The following GRM4 variants were observed in gnomAD, a reference collection of about 807,000 sequenced individuals.
The protein encoded by GRM4 is glutamate metabotropic receptor 4, also known as metabotropic glutamate receptor 4.
GRM4 carries 28 observed loss-of-function variants against 81.7 expected under a neutral mutation model. The ratio of observed to expected loss-of-function variants is 0.34; its 90% CI spans 0.25 to 0.47. The LOEUF is 0.47. Among genes scored for constraint, GRM4 ranks in the 20% least tolerant of loss-of-function variants. The pLI is 1.00. For missense variants in GRM4, 948 were observed against 1,290.0 expected (o/e 0.73, Z 4.06); for synonymous variants, 488 against 528.8 (o/e 0.92, Z 1.06).
intron 2 of GRM4, chr6:34,105,991 C>T (rs1377961160): frequency 6.6e-6 from 1 of 152,372 alleles, no homozygotes; most frequent in Non-Finnish European, 1.5e-5. Flanking sequence ...CAACAGGGCC[C>T]TTAGCCTCCT....
chr6:34,089,371 G>GCT lies in GRM4; in HGVS notation c.736+2510_736+2511dup, dbSNP rs3041194. Among the ~76,000 whole-genome samples the GCT allele has an allele frequency of 0.83, 125,724 of 150,688 alleles. 52,503 individuals are homozygous for GCT. Among genetic ancestry groups the GCT allele is most frequent in the South Asian group, 0.87 (4,147 of 4,776 alleles). On this transcript the variant is annotated intron_variant, in intron 3 of 10. Coordinates refer to ENST00000538487, the MANE Select transcript of GRM4 (RefSeq NM_000841.4). The surrounding 1 kb of genome is among the most constrained non-coding windows in gnomAD (Gnocchi z 4.3). ...TTTCAATTTGGCCAGCTGAAGTGCA[G>GCT]CTCTCTCTCTCTCTCTTCCTTTCTT...
At chr6:34,026,868 G>A (rs142700232) in intron 10 of GRM4, among the ~76,000 whole-genome samples, 4 of 152,340 alleles carry the variant, frequency 2.6e-5, no homozygotes, top group Admixed American at 6.5e-5. Flanking sequence ...ACCTGCTCCT[G>A]CACGCAGCAG....
intron 1 of GRM4, among the ~76,000 whole-genome samples, chr6:34,143,630 A>T (rs1016808344): frequency 1.3e-5 from 2 of 152,244 alleles, no homozygotes; most frequent in Non-Finnish European, 2.9e-5. Context: ...AGCATGCAGA[A>T]CCAGAGCCTG....
rs1418435718 is a variant in GRM4 at position 34,035,358 on chromosome 6, G to T, written c.2442+310C>A. ...AGGATGGAAAGAGGGAGTAAAGTGGGGCTGAAGGAGACAAAAGGAGGAGAG... is the reference window on the plus strand; with the variant it reads ...AGGATGGAAAGAGGGAGTAAAGTGGTGCTGAAGGAGACAAAAGGAGGAGAG... On this transcript the variant is annotated intron_variant, in intron 9 of 10. Transcript: ENST00000538487. The surrounding 1 kb of genome is among the most constrained non-coding windows in gnomAD (Gnocchi z 6.6). 1.3e-5 allele frequency among the ~76,000 whole-genome samples: 2 copies of T among 150,508 alleles called. No individual in the cohort carries two copies. The highest frequency in any genetic ancestry group is 2.5e-5 in the African/African-American group (1 of 40,706).
chr6:34,146,543 C>G (rs1344493769), upstream of GRM4, among the ~76,000 whole-genome samples: 1 of 152,206 alleles, frequency 6.6e-6, no homozygotes, highest in Non-Finnish European at 1.5e-5. Context: ...GAGGGAGCCA[C>G]GCAGCCCTCT....
intron 2 of GRM4, among the ~76,000 whole-genome samples, chr6:34,128,249 G>A (rs1443472397): frequency 2.0e-5 from 3 of 152,146 alleles, no homozygotes; most frequent in South Asian, 2.1e-4. Context: ...ATCCTCTTCC[G>A]CATCGCCGGA....
intron 3 of GRM4, among the ~76,000 whole-genome samples, chr6:34,067,494 C>A (rs923560524): frequency 2.1e-5 from 3 of 139,804 alleles, no homozygotes; most frequent in Non-Finnish European, 4.6e-5. Context: ...TCCTTCCTTT[C>A]TTCCTTCTTT....
At chr6:34,079,211 C>A (rs902774316) in intron 3 of GRM4, among the ~76,000 whole-genome samples, 5 of 152,216 alleles carry the variant, frequency 3.3e-5, no homozygotes, top group Admixed American at 3.3e-4. Flanking sequence ...ACCCGCCTCA[C>A]GTCACCTGCT....
intron 2 of GRM4, among the ~76,000 whole-genome samples, chr6:34,112,021 G>A (rs1349638059): frequency 6.6e-6 from 1 of 152,172 alleles, no homozygotes; most frequent in African/African-American, 2.4e-5. Context: ...AATAAACGTA[G>A]TGGAAGGGGG....
At chr6:34,087,798 C>CCACACACACACACACACACACA (rs1561803686) in intron 3 of GRM4, among the ~76,000 whole-genome samples, 1 of 7,952 alleles carries the variant, frequency 1.3e-4, no homozygotes, top group African/African-American at 5.7e-4. Flanking sequence ...ACATGCACCC[C>CCACACACACACACACACACACA]TACACACACA....
At position 34,036,911 on chromosome 6, in the gene GRM4, T is replaced by G. The variant is rs1327224931; in HGVS notation, c.1507-308A>C. ...AACCTAGAGTCACAGGAAACAACAG[T>G]GCAGAGCAAAGAGAACTCAAGAGTC... On this transcript the variant is annotated intron_variant, in intron 8 of 10. Transcript: ENST00000538487. The surrounding 1 kb of genome is among the most constrained non-coding windows in gnomAD (Gnocchi z 9.0). Among the ~76,000 whole-genome samples, 1 of 152,122 alleles carries G rather than the reference T, an allele frequency of 6.6e-6. No homozygotes were observed. Among genetic ancestry groups the G allele is most frequent in the Non-Finnish European group, 1.5e-5 (1 of 68,014 alleles).
At chr6:34,120,463 C>T (rs948218107) in intron 2 of GRM4, among the ~76,000 whole-genome samples, 5 of 152,098 alleles carry the variant, frequency 3.3e-5, no homozygotes, top group African/African-American at 1.2e-4. Context: ...TGTCTGTGTC[C>T]CTGGGATACT....
At position 34,077,951 on chromosome 6, in the gene GRM4, G is replaced by A. The variant is rs188087768; in HGVS notation, c.736+13932C>T. ...CCCACCAGCCTCTGACTCCAGCAGT[G>A]GCCACTGCTGGGCCCTGGATCCACA... On this transcript the variant is annotated intron_variant, in intron 3 of 10. Coordinates refer to ENST00000538487, the MANE Select transcript of GRM4 (RefSeq NM_000841.4). 1.4e-3 allele frequency among the ~76,000 whole-genome samples: 217 copies of A among 151,792 alleles called. 1 individual carries two copies. Among genetic ancestry groups the A allele is most frequent in the Middle Eastern group, 3.4e-3 (1 of 294 alleles).
In GRM4 at chr6:34,044,581, CACAG is replaced by C. The variant is rs1419824005; in HGVS notation, c.1169-3837_1169-3834del. Among the ~76,000 whole-genome samples, 7 of 150,878 alleles carry C rather than the reference CACAG, an allele frequency of 4.6e-5. No individual in the cohort carries two copies. The East Asian group carries it at 9.8e-4, about 21-fold the overall frequency. ...ACACAGACATACATACACATATATA[CACAG>C]ACACAGACACACACATAGACATACA... On this transcript the variant is annotated intron_variant, in intron 6 of 10. Coordinates refer to ENST00000538487, the MANE Select transcript of GRM4 (RefSeq NM_000841.4).
At chr6:34,106,396 C>T (rs183916725) in intron 2 of GRM4, among the ~76,000 whole-genome samples, 4 of 148,106 alleles carry the variant, frequency 2.7e-5, no homozygotes, top group Admixed American at 2.0e-4. Context: ...ACCTGGGAGA[C>T]AGAGCAAGGC....
At position 34,042,800 on chromosome 6, in the gene GRM4, G is replaced by A. The variant is rs1385038545; in HGVS notation, c.1169-2052C>T. 1.3e-5 allele frequency among the ~76,000 whole-genome samples: 2 copies of A among 152,090 alleles called. No homozygotes were observed. Among genetic ancestry groups the A allele is most frequent in the Non-Finnish European group, 2.9e-5 (2 of 68,000 alleles). On this transcript the variant is annotated intron_variant, in intron 6 of 10. Transcript: ENST00000538487. The surrounding 1 kb of genome is among the most constrained non-coding windows in gnomAD (Gnocchi z 4.2). ...CTGAAGGCAGACCCAGGGTGCAGGG[G>A]ATCTCACTGCCTCTCCCTGAGGCAG...
chr6:34,026,532 C>A (rs1233315195), intron 10 of GRM4, among the ~76,000 whole-genome samples: 1 of 152,144 alleles, frequency 6.6e-6, no homozygotes, highest in Non-Finnish European at 1.5e-5. Context: ...CCCATGGGGG[C>A]TGCCCCACAG....
At position 34,091,673 on chromosome 6, in the gene GRM4, C is replaced by T. The variant is rs894273393; in HGVS notation, c.736+210G>A. The T allele has an allele frequency of 1.2e-4, 69 of 591,148 alleles. No individual in the cohort carries two copies. The African/African-American group carries it at 1.2e-3, about 10-fold the overall frequency. 36.6% of individuals were successfully genotyped at this position (591,148 alleles called of 1,614,324 possible). On this transcript the variant is annotated intron_variant, in intron 3 of 10. Transcript: ENST00000538487. Reference sequence around the variant, plus strand: ...ATCTGCACACCCACGTCTGCAAAGGCCTCACAGTCGCCGTTGACCGGAGTC... The same window carrying T: ...ATCTGCACACCCACGTCTGCAAAGGTCTCACAGTCGCCGTTGACCGGAGTC...
chr6:34,035,610 T>C lies in GRM4; in HGVS notation c.2442+58A>G. 1 of 1,061,110 alleles carries C rather than the reference T, an allele frequency of 9.4e-7. No homozygotes were observed. The highest frequency in any genetic ancestry group is 1.4e-6 in the Non-Finnish European group (1 of 740,356). 65.7% of individuals were successfully genotyped at this position (1,061,110 alleles called of 1,614,324 possible). A position where few individuals can be genotyped will look rare whatever the true frequency, so the allele number is the denominator to read the frequency against. On this transcript the variant is annotated intron_variant, in intron 9 of 10. Coordinates refer to ENST00000538487, the MANE Select transcript of GRM4 (RefSeq NM_000841.4). This position sits in a 1 kb window ranked among gnomAD's most constrained non-coding sequence, Gnocchi z 6.6. ...GGGAGGCCAGCCAGCCTCAGGAGGC[T>C]GCCCCTTGCTCACTGCCCTCACCTA...
Sources: gnomAD v4.1 joint callset for allele counts (sites outside exome capture counted in the v4.1 genomes callset) on GRCh38, gnomAD v4.1.1 for gene constraint, Gnocchi (gnomAD v3.1) non-coding constraint, MANE v1.5 for transcripts, NCBI Gene and HGNC (gene_info 2026-07-23, HGNC 2026-07-21) for gene names.